Variants in SLC34A2 observed in about 807,000 individuals in gnomAD.
SLC34A2 encodes the protein solute carrier family 34 member 2.
A neutral mutation model predicts 50.8 loss-of-function variants in SLC34A2; 41 were observed. The ratio of observed to expected loss-of-function variants is 0.81; its 90% CI spans 0.63 to 1.05. The LOEUF (loss-of-function observed/expected upper bound fraction) is 1.05, where lower values mean the gene tolerates loss of function less well. SLC34A2 is among the 50% of genes least tolerant of loss of function. The pLI is 0.00. For synonymous variants in SLC34A2, 401 were observed against 364.2 expected (o/e 1.10, Z -1.15); for missense variants, 879 against 876.7 (o/e 1.00, Z -0.03).
chr4:25,672,232 C>T (rs1340084097), intron 9 of SLC34A2, among the ~76,000 whole-genome samples: 2 of 152,146 alleles, frequency 1.3e-5, no homozygotes, highest in African/African-American at 2.4e-5. Flanking sequence ...GCCAAGATTG[C>T]ACCACTACAC....
At chr4:25,662,207 A>C (rs1714228134) in intron 1 of SLC34A2, among the ~76,000 whole-genome samples, 1 of 152,216 alleles carries the variant, frequency 6.6e-6, no homozygotes, top group South Asian at 2.1e-4. Flanking sequence ...AGTCAAGACA[A>C]AAACAAGTTT....
intron 12 of SLC34A2, 76 bp downstream of exon 12, chr4:25,674,705 G>A (rs995789661): frequency 2.6e-5 from 41 of 1,589,762 alleles, no homozygotes; most frequent in Non-Finnish European, 3.4e-5. Flanking sequence ...TCTCTAACAA[G>A]AGCCAGGCTT....
intron 1 of SLC34A2, among the ~76,000 whole-genome samples, chr4:25,658,682 G>A (rs1028435381): frequency 7.9e-5 from 12 of 152,176 alleles, no homozygotes; most frequent in African/African-American, 2.4e-4. Context: ...GTGTGGCAGC[G>A]GGGGAGCCCC....
chr4:25,657,539 G>C (rs1560232510), intron 1 of SLC34A2, among the ~76,000 whole-genome samples: 2 of 152,216 alleles, frequency 1.3e-5, no homozygotes, highest in East Asian at 1.9e-4. Context: ...CAGCACAACT[G>C]ATATAGTTAC....
In SLC34A2 at chr4:25,676,814, C is replaced by A; in HGVS notation, c.*65C>A. 1 of 1,606,360 alleles carries A rather than the reference C, an allele frequency of 6.2e-7. No homozygotes were observed. The highest frequency in any genetic ancestry group is 1.1e-5 in the South Asian group (1 of 90,452). On this transcript the variant is annotated 3_prime_UTR_variant, in exon 13 of 13. Coordinates refer to ENST00000382051, the MANE Select transcript of SLC34A2 (RefSeq NM_006424.3). Reference sequence around the variant, plus strand: ...GAGTTTTGCATGCTCTCCTCCCTCCCACTTCTGCACCCTTTCACCACCTCG... The same window carrying A: ...GAGTTTTGCATGCTCTCCTCCCTCCAACTTCTGCACCCTTTCACCACCTCG...
intron 1 of SLC34A2, among the ~76,000 whole-genome samples, chr4:25,656,233 G>A (rs1372351777): frequency 2.0e-5 from 3 of 152,142 alleles, no homozygotes; most frequent in Non-Finnish European, 4.4e-5. Flanking sequence ...GGATAGCTAG[G>A]CTCTTTGTGG....
intron 9 of SLC34A2, 144 bp downstream of exon 9, chr4:25,671,865 T>G: frequency 8.5e-7 from 1 of 1,174,696 alleles, no homozygotes; most frequent in Non-Finnish European, 1.3e-6. Flanking sequence ...AGCAACATGC[T>G]TTCACAGCAG....
chr4:25,676,973 G>A lies in SLC34A2; in HGVS notation c.*224G>A, dbSNP rs1303246746. The A allele has an allele frequency of 6.7e-6, 4 of 598,142 alleles. No homozygotes were observed. The highest frequency in any genetic ancestry group is 1.2e-5 in the Non-Finnish European group (4 of 336,354). The allele number at this position is 598,142 out of a possible 1,614,324, so 37.1% of individuals were successfully genotyped here. A position where few individuals can be genotyped will look rare whatever the true frequency, so the allele number is the denominator to read the frequency against. ...ACTCAGTAATCTTTTACTCCAGGAA[G>A]GCACAGGATGGTACCTAAAGAGAAT... On this transcript the variant is annotated 3_prime_UTR_variant, in exon 13 of 13. Transcript: ENST00000382051.
At chr4:25,666,835 T>C (rs1386817062) in intron 5 of SLC34A2, 1 of 153,014 alleles carries the variant, frequency 6.5e-6, no homozygotes, top group Non-Finnish European at 1.5e-5. Flanking sequence ...ACCTGTCTGA[T>C]AATTGCTGCA....
chr4:25,669,440 C>T lies in SLC34A2; in HGVS notation c.636-207C>T, dbSNP rs185386957. On this transcript the variant is annotated intron_variant, in intron 6 of 12. Transcript: ENST00000382051. ...TCCAGCCGTAACATGCTTGCTGGCC[C>T]GCAGCTTCTTCATCTGGCCAATGGG... 7.9e-5 allele frequency among the ~76,000 whole-genome samples: 12 copies of T among 152,182 alleles called. No individual in the cohort carries two copies. The East Asian group carries it at 1.4e-3, about 17-fold the overall frequency.
At chr4:25,665,999 G>A (rs1577495049) in intron 4 of SLC34A2, 129 bp from the exon 5 acceptor site, 1 of 1,123,590 alleles carries the variant, frequency 8.9e-7, no homozygotes. Context: ...GGTGCCTGCA[G>A]CGATGGAGGC....
chr4:25,670,962 A>C, intron 8 of SLC34A2, 129 bp downstream of exon 8: 1 of 768,854 alleles, frequency 1.3e-6, no homozygotes, highest in South Asian at 1.5e-5. Context: ...CTGAAAAATC[A>C]AAAGTGACCA....
chr4:25,676,372 A>G lies in SLC34A2; in HGVS notation c.1696A>G (p.Ile566Val), dbSNP rs1388696450. 16 of 1,613,918 alleles carry G rather than the reference A, an allele frequency of 9.9e-6. No homozygotes were observed. The highest frequency in any genetic ancestry group is 1.3e-5 in the Non-Finnish European group (15 of 1,180,024). The change falls in exon 13 of 13, where the codon ATC becomes GTC. Residue 566 changes from isoleucine (I) to valine (V), a missense_variant. Transcript: ENST00000382051. Reference sequence around the variant, plus strand: ...TGTCGGGGTTCCCGTCGTCTTCATCATCATCCTGGTACTGTGCCTCCGACT... The same window carrying G: ...TGTCGGGGTTCCCGTCGTCTTCATCGTCATCCTGGTACTGTGCCTCCGACT... ...VGVGVPVVFI[I>V]ILVLCLRLLQ...
intron 12 of SLC34A2, 21 bp from the exon 13 acceptor site, chr4:25,676,114 G>A (rs1302795933): frequency 1.2e-6 from 2 of 1,613,446 alleles, no homozygotes; most frequent in East Asian, 2.2e-5. Flanking sequence ...CCCCTCACCT[G>A]TCCAACCTCT....
intron 3 of SLC34A2, among the ~76,000 whole-genome samples, chr4:25,663,072 TC>T (rs1714298839): frequency 1.3e-5 from 2 of 151,986 alleles, no homozygotes; most frequent in South Asian, 4.2e-4. Context: ...CCCCGTGGGT[TC>T]AAGCAGTTAT....
chr4:25,674,249 A>C (rs553843582), intron 10 of SLC34A2, 47 bp from the exon 11 acceptor site: 3 of 1,496,312 alleles, frequency 2.0e-6, no homozygotes, highest in Non-Finnish European at 9.3e-7. Flanking sequence ...CCACCAGGCC[A>C]TACCTTCCCC....
rs1286828938 is a variant in SLC34A2 at position 25,673,097 on chromosome 4, C to T, written c.1059C>T (p.Ile353=). The T allele has an allele frequency of 6.2e-7, 1 of 1,614,164 alleles. No individual in the cohort carries two copies. Among genetic ancestry groups the T allele is most frequent in the South Asian group, 1.1e-5 (1 of 91,066 alleles). The part of the protein sequence containing the change: ...YKENIAKCQH[I]FVNFHLPDLA... ...TTTGTGGTCTTTCAGGCCAGCATAT[C>T]TTTGTGAATTTCCACCTCCCGGATC... The change falls in exon 10 of 13, where the codon ATC becomes ATT. Residue 353 remains isoleucine (I), a synonymous_variant. Transcript: ENST00000382051.
At chr4:25,671,353 G>A (rs1184337684) in intron 8 of SLC34A2, among the ~76,000 whole-genome samples, 1 of 152,168 alleles carries the variant, frequency 6.6e-6, no homozygotes, top group Non-Finnish European at 1.5e-5. Context: ...GGGTGCTAAA[G>A]ACTGGAGACT....
Position 25,676,256 on chromosome 4 carries a change from G to C in SLC34A2, c.1580G>C (p.Trp527Ser). The C allele has an allele frequency of 6.2e-7, 1 of 1,614,172 alleles. No individual in the cohort carries two copies. The highest frequency in any genetic ancestry group is 8.5e-7 in the Non-Finnish European group (1 of 1,180,052). ...GGCAACATCTCTGCCAAGTATCGCTGGTTCGCCGTCTTCTACCTGATCATC... is the reference window on the plus strand; with the variant it reads ...GGCAACATCTCTGCCAAGTATCGCTCGTTCGCCGTCTTCTACCTGATCATC... ...GLGNISAKYR[W>S]FAVFYLIIFF... The change falls in exon 13 of 13, where the codon TGG becomes TCG. Residue 527 changes from tryptophan (W) to serine (S), a missense_variant. Transcript: ENST00000382051.
Sources: gnomAD v4.1 joint callset for allele counts (sites outside exome capture counted in the v4.1 genomes callset) on GRCh38, gnomAD v4.1.1 for gene constraint, MANE v1.5 for transcripts, NCBI Gene and HGNC (gene_info 2026-07-23, HGNC 2026-07-21) for gene names.